Variants in GNE observed in about 807,000 individuals in gnomAD.
GNE encodes bifunctional UDP-N-acetylglucosamine 2-epimerase/N-acetylmannosamine kinase.
Under a neutral mutation model 61.8 loss-of-function variants are expected in GNE, and 41 were observed. That is an observed-to-expected ratio of 0.66 (90% confidence interval 0.52 to 0.86). GNE has a LOEUF of 0.86. GNE is among the 40% of genes least tolerant of loss of function. The pLI, the probability that GNE is intolerant of heterozygous loss-of-function variation, is 0.00. For synonymous variants in GNE, 264 were observed against 326.4 expected (o/e 0.81, Z 2.06); for missense variants, 608 against 909.1 (o/e 0.67, Z 4.26).
At chr9:36,225,860 C>T (rs1828841390) in intron 7 of GNE, among the ~76,000 whole-genome samples, 2 of 152,176 alleles carry the variant, frequency 1.3e-5, no homozygotes, top group South Asian at 4.1e-4. Context: ...ATCACCTGGA[C>T]AGCTTTTAAC....
intron 1 of GNE, among the ~76,000 whole-genome samples, chr9:36,274,896 T>G (rs1563965159): frequency 6.6e-6 from 1 of 152,156 alleles, no homozygotes; most frequent in Non-Finnish European, 1.5e-5. Context: ...CTAATTTTTT[T>G]TGTATTTTTA....
chr9:36,231,431 C>T (rs546051663), intron 5 of GNE, among the ~76,000 whole-genome samples: 11 of 152,168 alleles, frequency 7.2e-5, no homozygotes, highest in Admixed American at 2.0e-4. Context: ...AGCAACAGAA[C>T]AGTATCATTT....
At chr9:36,220,516 C>T (rs1828541682) in intron 9 of GNE, among the ~76,000 whole-genome samples, 1 of 152,112 alleles carries the variant, frequency 6.6e-6, no homozygotes, top group Admixed American at 6.5e-5. Context: ...CCCCCTTTGC[C>T]CTCAAGTCAA....
At chr9:36,274,730 T>C (rs1481070744) in intron 1 of GNE, among the ~76,000 whole-genome samples, 1 of 151,930 alleles carries the variant, frequency 6.6e-6, no homozygotes, top group Non-Finnish European at 1.5e-5. Flanking sequence ...CTTTTTTTTT[T>C]TTTTTCTCTT....
chr9:36,248,276 T>C (rs1376613323), intron 2 of GNE, among the ~76,000 whole-genome samples: 5 of 152,008 alleles, frequency 3.3e-5, no homozygotes, highest in African/African-American at 4.8e-5. Context: ...TACATCAAGA[T>C]GTATGTAATA....
chr9:36,260,605 C>G (rs979668360), upstream of GNE, among the ~76,000 whole-genome samples: 4 of 152,092 alleles, frequency 2.6e-5, no homozygotes, highest in Non-Finnish European at 5.9e-5. Context: ...CGCGGTGGCT[C>G]ACGCCTGTAA....
intron 9 of GNE, among the ~76,000 whole-genome samples, chr9:36,221,951 CAG>C (rs1828605673): frequency 6.6e-6 from 1 of 152,190 alleles, no homozygotes; most frequent in Admixed American, 6.5e-5. Flanking sequence ...TGTACAGAAA[CAG>C]TACTGGATAC....
rs187267339 is a variant in GNE at position 36,245,574 on chromosome 9, T to A, written c.616+457A>T. On this transcript the variant is annotated intron_variant, in intron 3 of 11. Transcript: ENST00000642385. ...TTGCAATCCCACATACTTGGGAGGC[T>A]GAGGCAGGAGCATCACTTGAACCTG... Among the ~76,000 whole-genome samples the A allele has an allele frequency of 5.6e-3, 844 of 152,062 alleles. 9 individuals carry two copies. Among genetic ancestry groups the A allele is most frequent in the African/African-American group, 0.019 (787 of 41,478 alleles).
At chr9:36,271,245 C>T (rs1392817398) in intron 1 of GNE, among the ~76,000 whole-genome samples, 3 of 152,226 alleles carry the variant, frequency 2.0e-5, no homozygotes, top group Non-Finnish European at 4.4e-5. Flanking sequence ...TCTTCCTTGT[C>T]TGCTGCTTAC....
intron 3 of GNE, 98 bp downstream of exon 3, chr9:36,245,931 CAG>C: frequency 3.2e-6 from 3 of 943,944 alleles, no homozygotes; most frequent in South Asian, 2.8e-5. Context: ...TCATTGCTAA[CAG>C]AGTATTCTAT....
chr9:36,224,215 G>A (rs1828750713), intron 7 of GNE, among the ~76,000 whole-genome samples: 1 of 151,910 alleles, frequency 6.6e-6, no homozygotes, highest in Admixed American at 6.6e-5. Context: ...GCCAAGGCGG[G>A]AGAATCGCTT....
At chr9:36,219,287 G>C (rs1274547154) in intron 10 of GNE, among the ~76,000 whole-genome samples, 1 of 151,816 alleles carries the variant, frequency 6.6e-6, no homozygotes, top group African/African-American at 2.4e-5. Context: ...ATGCCCTCTC[G>C]TGGACCCTCT....
Position 36,249,307 on chromosome 9 carries a change from A to G in GNE, c.49T>C (p.Cys17Arg). 1.2e-6 allele frequency: 2 copies of G among 1,613,988 alleles called. No individual in the cohort carries two copies. The highest frequency in any genetic ancestry group is 1.7e-6 in the Non-Finnish European group (2 of 1,179,828). The part of the protein sequence containing the change: ...NRKLRVCVAT[C>R]NRADYSKLAP... ...AGTTTAGAATAATCTGCACGGTTAC[A>G]AGTAGCAACACAAACCCGCAGCTTT... Residue 17 changes from cysteine to arginine, a missense_variant, in exon 2 of 12, where the codon TGT (cysteine) becomes CGT (arginine). Coordinates refer to ENST00000642385, the MANE Select transcript of GNE (RefSeq NM_005476.7).
At chr9:36,275,955 T>C (rs1692276862) in intron 1 of GNE, among the ~76,000 whole-genome samples, 1 of 152,130 alleles carries the variant, frequency 6.6e-6, no homozygotes, top group Non-Finnish European at 1.5e-5. Flanking sequence ...GGAACATCAC[T>C]TGAGCCCAGG....
At chr9:36,220,091 A>C in intron 9 of GNE, 71 bp from the exon 10 acceptor site, 3 of 1,252,954 alleles carry the variant, frequency 2.4e-6, no homozygotes, top group Non-Finnish European at 3.5e-6. Context: ...ACAACGCCTC[A>C]TCTATTTAGC....
chr9:36,258,293 G>A, intron 1 of GNE, 28 bp downstream of exon 1: 1 of 983,612 alleles, frequency 1.0e-6, no homozygotes, highest in Non-Finnish European at 1.2e-6. Flanking sequence ...TGCTCTCCCG[G>A]AGTCCCACGC....
rs1828348987 is a variant in GNE at position 36,217,132 on chromosome 9, G to T, written c.*233C>A. 1.8e-6 allele frequency: 1 copy of T among 556,108 alleles called. No individual in the cohort carries two copies. Among genetic ancestry groups the T allele is most frequent in the Non-Finnish European group, 3.2e-6 (1 of 309,678 alleles). 34.4% of individuals were successfully genotyped at this position (556,108 alleles called of 1,614,324 possible). ...GAAAATTGTGACTGTAACTTACAGGGTTTGAGCTAAAATGACCCCTAGTAA... is the reference window on the plus strand; with the variant it reads ...GAAAATTGTGACTGTAACTTACAGGTTTTGAGCTAAAATGACCCCTAGTAA... On this transcript the variant is annotated 3_prime_UTR_variant, in exon 12 of 12. Transcript: ENST00000642385.
At chr9:36,233,584 G>A (rs1231885395) in intron 5 of GNE, among the ~76,000 whole-genome samples, 3 of 151,888 alleles carry the variant, frequency 2.0e-5, no homozygotes, top group East Asian at 1.9e-4. Context: ...GGAGAATGGC[G>A]TGAACCTGGG....
chr9:36,249,400 G>A lies in GNE; in HGVS notation c.-42-3C>T, dbSNP rs764657091. The A allele has an allele frequency of 6.3e-7, 1 of 1,592,510 alleles. No homozygotes were observed. Among genetic ancestry groups the A allele is most frequent in the Admixed American group, 1.7e-5 (1 of 58,702 alleles). On this transcript the variant is annotated splice_region_variant and splice_polypyrimidine_tract_variant and intron_variant, in intron 1 of 11. Transcript: ENST00000642385. ...GAGAGGTTCTTAAAATAGAGTTCCT[G>A]AAATTGCCAAAATAAAAACTTTATA...
Sources: allele counts gnomAD v4.1 joint callset (sites outside exome capture counted in the v4.1 genomes callset), GRCh38; gene constraint gnomAD v4.1.1; transcripts MANE v1.5; gene names NCBI Gene and HGNC (gene_info 2026-07-23, HGNC 2026-07-21).